CDK15: variants seen among roughly 807,000 people sequenced by gnomAD.
The protein encoded by CDK15 is cyclin-dependent kinase 15.
In CDK15, 62 loss-of-function variants were observed where a neutral mutation model predicts 60.3. The ratio of observed to expected loss-of-function variants is 1.03; its 90% CI spans 0.84 to 1.27. The LOEUF is 1.27. Among genes scored for constraint, CDK15 ranks in the 50% most tolerant of loss-of-function variants. The pLI is 0.00. For synonymous variants in CDK15, 194 were observed against 195.7 expected, an observed-to-expected ratio of 0.99 and a Z score of 0.07; for missense variants, 541 against 527.8, an observed-to-expected ratio of 1.03 and a Z score of -0.25.
At chr2:201,820,740 A>G (rs1396134499) in intron 4 of CDK15, among the ~76,000 whole-genome samples, 1 of 152,184 alleles carries the variant, frequency 6.6e-6, no homozygotes. Flanking sequence ...CACTCCCTCA[A>G]TTCCCATGTG....
intron 8 of CDK15, among the ~76,000 whole-genome samples, chr2:201,837,795 G>A (rs1190083617): frequency 3.3e-5 from 5 of 152,004 alleles, no homozygotes; most frequent in African/African-American, 7.2e-5. Flanking sequence ...AAAACACAAA[G>A]CCCCATTTTC....
intron 8 of CDK15, among the ~76,000 whole-genome samples, chr2:201,843,879 A>G (rs112111754): frequency 6.8e-6 from 1 of 146,306 alleles, no homozygotes; most frequent in African/African-American, 2.5e-5. Flanking sequence ...ATACAAGTTT[A>G]GTGGTATAGA....
chr2:201,827,069 A>T (rs1177554529), intron 6 of CDK15, among the ~76,000 whole-genome samples: 1 of 152,244 alleles, frequency 6.6e-6, no homozygotes, highest in Non-Finnish European at 1.5e-5. Context: ...TTGGCCTGAA[A>T]TACAGAATAT....
At chr2:201,808,416 TTATGGTA>T (rs1695610201) in intron 3 of CDK15, among the ~76,000 whole-genome samples, 1 of 152,226 alleles carries the variant, frequency 6.6e-6, no homozygotes, top group Non-Finnish European at 1.5e-5. Flanking sequence ...TTTCTGCAAA[TTATGGTA>T]CATGCAAAAG....
chr2:201,887,998 A>G (rs1699517470), intron 12 of CDK15, among the ~76,000 whole-genome samples: 1 of 151,646 alleles, frequency 6.6e-6, no homozygotes, highest in East Asian at 1.9e-4. Context: ...ACGGAAGATT[A>G]CAAGACATTT....
intron 12 of CDK15, chr2:201,888,422 A>G (rs1388985899): frequency 6.5e-7 from 1 of 1,529,422 alleles, no homozygotes; most frequent in Non-Finnish European, 8.7e-7. Context: ...TTCTCAAAAA[A>G]TTTTTAAACA....
At chr2:201,860,680 C>T in intron 10 of CDK15, 1 of 1,348,942 alleles carries the variant, frequency 7.4e-7, no homozygotes, top group South Asian at 1.1e-5. Flanking sequence ...CCATAAGCGA[C>T]AGGCCAAGGG....
chr2:201,808,448 A>AT (rs1284110437), intron 3 of CDK15, among the ~76,000 whole-genome samples: 1 of 152,220 alleles, frequency 6.6e-6, no homozygotes, highest in Non-Finnish European at 1.5e-5. Context: ...TAAATCCTAG[A>AT]TTTTTTATAT....
chr2:201,830,414 A>G (rs7607698), intron 6 of CDK15, among the ~76,000 whole-genome samples: 142,717 of 152,304 alleles, frequency 0.94, 67,099 homozygotes, highest in East Asian at 1. Context: ...TATCCATTGG[A>G]TTTCATAGGA....
At position 201,888,578 on chromosome 2, in the gene CDK15, T is replaced by C. The variant is rs1699541314; in HGVS notation, c.1199-2207T>C. The C allele has an allele frequency of 2.0e-6, 3 of 1,465,640 alleles. No individual in the cohort carries two copies. In the African/African-American group the frequency reaches 4.3e-5, roughly 21 times the overall value. The allele number at this position is 1,465,640 out of a possible 1,614,324, so 90.8% of individuals were successfully genotyped here. A position where few individuals can be genotyped will look rare whatever the true frequency, so the allele number is the denominator to read the frequency against. ...GAGAGCCGCGCTGCAGCTTTTTTCGTTTTTTATTTCCCTTTCTTTCTTTCT... is the reference window on the plus strand; with the variant it reads ...GAGAGCCGCGCTGCAGCTTTTTTCGCTTTTTATTTCCCTTTCTTTCTTTCT... On this transcript the variant is annotated intron_variant, in intron 12 of 13. Transcript: ENST00000652192.
rs201872961 is a variant in CDK15 at position 201,849,548 on chromosome 2, GA to G, written c.945+2084del. On this transcript the variant is annotated intron_variant, in intron 9 of 13. Coordinates refer to ENST00000652192, the MANE Select transcript of CDK15 (RefSeq NM_001366386.2). ...TTGTAAGAAGCTATAAGCCAAGGGG[GA>G]AAAAAAAAAGAAGAATAAGAAAAAC... Among the ~76,000 whole-genome samples the G allele has an allele frequency of 9.3e-4, 136 of 146,770 alleles. No homozygotes were observed. The East Asian group carries it at 0.01, about 11-fold the overall frequency.
rs1159545617 is a variant in CDK15, at chr2:201,828,509, G to C, written c.606+4782G>C. 3.3e-5 allele frequency among the ~76,000 whole-genome samples: 5 copies of C among 151,596 alleles called. No individual in the cohort carries two copies. The East Asian group carries it at 9.8e-4, about 30-fold the overall frequency. ...TTCAAGAAGGAGGGTATGGTGGACA[G>C]TATTACAAGCATCAGGAATACAGCT... On this transcript the variant is annotated intron_variant, in intron 6 of 13. Coordinates refer to ENST00000652192, the MANE Select transcript of CDK15 (RefSeq NM_001366386.2).
intron 7 of CDK15, 91 bp from the exon 8 acceptor site, chr2:201,835,552 T>A (rs1696967691): frequency 7.6e-7 from 1 of 1,318,124 alleles, no homozygotes; most frequent in Non-Finnish European, 1.0e-6. Flanking sequence ...TTGTGTGTTA[T>A]TTTTTCTAAT....
chr2:201,865,798 G>A (rs1253384135), intron 10 of CDK15, among the ~76,000 whole-genome samples: 3 of 147,792 alleles, frequency 2.0e-5, no homozygotes, highest in Non-Finnish European at 4.5e-5. Flanking sequence ...GCTGAGGCAG[G>A]AGAATCTCTT....
At chr2:201,868,337 G>T (rs1385606481) in intron 10 of CDK15, among the ~76,000 whole-genome samples, 1 of 152,162 alleles carries the variant, frequency 6.6e-6, no homozygotes. Flanking sequence ...GAAAACTGAG[G>T]CCCAGTGAGG....
intron 8 of CDK15, 48 bp downstream of exon 8, chr2:201,835,811 G>A (rs1339342321): frequency 7.2e-7 from 1 of 1,389,358 alleles, no homozygotes; most frequent in East Asian, 2.7e-5. Context: ...CACGAGGGTT[G>A]CTTTATCATC....
chr2:201,830,078 G>A (rs1696683124), intron 6 of CDK15, among the ~76,000 whole-genome samples: 1 of 152,122 alleles, frequency 6.6e-6, no homozygotes, highest in South Asian at 2.1e-4. Context: ...AAAGTGCTGG[G>A]ATTACAGGTA....
chr2:201,839,753 G>A (rs1283338294), intron 8 of CDK15, among the ~76,000 whole-genome samples: 1 of 152,076 alleles, frequency 6.6e-6, no homozygotes, highest in Non-Finnish European at 1.5e-5. Context: ...CCTGTTTGGA[G>A]GATATAAGAG....
At chr2:201,883,119 G>T (rs1163066222) in intron 12 of CDK15, among the ~76,000 whole-genome samples, 4 of 152,216 alleles carry the variant, frequency 2.6e-5, no homozygotes, top group Non-Finnish European at 2.9e-5. Context: ...AAGAAATTTT[G>T]CTCTCTGGTG....
Sources: allele counts gnomAD v4.1 joint callset (sites outside exome capture counted in the v4.1 genomes callset), GRCh38; gene constraint gnomAD v4.1.1; transcripts MANE v1.5; gene names NCBI Gene and HGNC (gene_info 2026-07-23, HGNC 2026-07-21).